SNX30: variants seen among roughly 807,000 people sequenced by gnomAD.
SNX30 encodes the protein sorting nexin family member 30, also known as sorting nexin-30.
In SNX30, 24 loss-of-function variants were observed where a neutral mutation model predicts 46.4. That is an observed-to-expected ratio of 0.52 (90% CI 0.37 to 0.73). The LOEUF (loss-of-function observed/expected upper bound fraction) is 0.73. Among genes scored for constraint, SNX30 ranks in the 30% least tolerant of loss-of-function variants. The pLI, the probability that SNX30 is intolerant of heterozygous loss-of-function variation, is 0.00. For synonymous variants in SNX30, 189 were observed against 211.5 expected (o/e 0.89, Z 0.92); for missense variants, 533 against 555.7 (o/e 0.96, Z 0.41).
rs1400167007 is a variant in SNX30 at position 112,778,776 on chromosome 9, C to T, written c.157-26000C>T. Among the ~76,000 whole-genome samples, 4 of 152,264 alleles carry T rather than the reference C, an allele frequency of 2.6e-5. No individual in the cohort carries two copies. In the East Asian group the frequency reaches 7.7e-4, roughly 29 times the overall value. ...GAGATAGAATAACAGCTACCAGGTC[C>T]ATGCTTTCTCACACCTTATGGTTCA... On this transcript the variant is annotated intron_variant, in intron 1 of 8. Transcript: ENST00000374232.
At chr9:112,794,615 T>C (rs1474751134) in intron 1 of SNX30, among the ~76,000 whole-genome samples, 2 of 152,238 alleles carry the variant, frequency 1.3e-5, no homozygotes, top group Non-Finnish European at 2.9e-5. Context: ...CACTTGCCCA[T>C]ATTCCTCCAA....
chr9:112,795,370 T>G (rs907610934), intron 1 of SNX30, among the ~76,000 whole-genome samples: 3 of 152,218 alleles, frequency 2.0e-5, no homozygotes, highest in African/African-American at 4.8e-5. Context: ...GATTCAGAAC[T>G]GGGCAGTCTG....
At chr9:112,793,247 C>A (rs926740663) in intron 1 of SNX30, among the ~76,000 whole-genome samples, 1 of 152,186 alleles carries the variant, frequency 6.6e-6, no homozygotes. Context: ...AGCTGCTCCC[C>A]CCATCTCAGT....
chr9:112,766,929 A>G (rs1042201642), intron 1 of SNX30, among the ~76,000 whole-genome samples: 1 of 152,184 alleles, frequency 6.6e-6, no homozygotes, highest in African/African-American at 2.4e-5. Flanking sequence ...GGTTATGCAA[A>G]TATCTCTTTG....
rs1841444777 is a variant in SNX30, at chr9:112,871,511, T to G, written c.*2668T>G. 6.6e-6 allele frequency: 1 copy of G among 152,174 alleles called. No individual in the cohort carries two copies. The highest frequency in any genetic ancestry group is 2.1e-4 in the South Asian group (1 of 4,830). The allele number at this position is 152,174 out of a possible 1,614,324, so 9.4% of individuals were successfully genotyped here. ...TAGAGGTCTCATCACCTCACACTTC[T>G]TGACTTCACAAAATTGTGGCCCTGA... On this transcript the variant is annotated 3_prime_UTR_variant, in exon 9 of 9. Transcript: ENST00000374232.
intron 1 of SNX30, among the ~76,000 whole-genome samples, chr9:112,768,951 A>G (rs1839599298): frequency 6.6e-6 from 1 of 152,004 alleles, no homozygotes. Context: ...CACCATGATA[A>G]TTCTAACGGG....
rs1841491790 is a variant in SNX30, at chr9:112,874,440, AAG to A, written c.*5601_*5602del. On this transcript the variant is annotated 3_prime_UTR_variant, in exon 9 of 9. Coordinates refer to ENST00000374232, the MANE Select transcript of SNX30 (RefSeq NM_001012994.2). ...CTAACTTGTATTTTAACTGTTAAAG[AAG>A]AGATTAAAAACTTCGGCTTTGGACA... 1 of 152,230 alleles carries A rather than the reference AAG, an allele frequency of 6.6e-6. No individual in the cohort carries two copies. Among genetic ancestry groups the A allele is most frequent in the Non-Finnish European group, 1.5e-5 (1 of 68,034 alleles). The allele number at this position is 152,230 out of a possible 1,614,324, so 9.4% of individuals were successfully genotyped here.
chr9:112,789,656 TAAG>T (rs1210385666), intron 1 of SNX30, among the ~76,000 whole-genome samples: 3 of 152,210 alleles, frequency 2.0e-5, no homozygotes, highest in Non-Finnish European at 4.4e-5. Flanking sequence ...TCTTGGCTCC[TAAG>T]AATCATAAGA....
Position 112,762,265 on chromosome 9 carries a change from G to A in SNX30, c.156+11108G>A, listed in dbSNP as rs146161997. 2.5e-3 allele frequency among the ~76,000 whole-genome samples: 375 copies of A among 152,154 alleles called. 3 individuals carry two copies. Among genetic ancestry groups the A allele is most frequent in the African/African-American group, 8.7e-3 (363 of 41,512 alleles). ...GGGGGGGAAGTGGGATAGTGGAAAAGGTGTTTGGGGGTTCCTGCTTGAGAA... is the reference window on the plus strand; with the variant it reads ...GGGGGGGAAGTGGGATAGTGGAAAAAGTGTTTGGGGGTTCCTGCTTGAGAA... On this transcript the variant is annotated intron_variant, in intron 1 of 8. Coordinates refer to ENST00000374232, the MANE Select transcript of SNX30 (RefSeq NM_001012994.2).
intron 7 of SNX30, among the ~76,000 whole-genome samples, chr9:112,859,492 CAT>C (rs1841193725): frequency 6.6e-6 from 1 of 152,192 alleles, no homozygotes; most frequent in Admixed American, 6.5e-5. Flanking sequence ...CCAGCAGGAT[CAT>C]ATAGTAGTTC....
At chr9:112,795,864 A>G (rs946040696) in intron 1 of SNX30, among the ~76,000 whole-genome samples, 3 of 152,140 alleles carry the variant, frequency 2.0e-5, no homozygotes, top group Non-Finnish European at 4.4e-5. Context: ...TAAGTTTGAT[A>G]TATAAATAAA....
At chr9:112,822,519 T>C (rs1396980149) in intron 3 of SNX30, among the ~76,000 whole-genome samples, 2 of 146,108 alleles carry the variant, frequency 1.4e-5, no homozygotes, top group African/African-American at 2.5e-5. Context: ...AGTTTTCTTT[T>C]GTCCCTTTGC....
intron 7 of SNX30, 47 bp from the exon 8 acceptor site, chr9:112,864,200 A>T: frequency 6.2e-7 from 1 of 1,605,128 alleles, no homozygotes; most frequent in Middle Eastern, 2.0e-4. Flanking sequence ...AAGGCAAGAG[A>T]TGCCAGTTTT....
At chr9:112,859,944 CTTCT>C (rs1841201586) in intron 7 of SNX30, among the ~76,000 whole-genome samples, 1 of 151,420 alleles carries the variant, frequency 6.6e-6, no homozygotes, top group African/African-American at 2.4e-5. Flanking sequence ...GACTGTTTAT[CTTCT>C]TTATTTTTAT....
intron 1 of SNX30, among the ~76,000 whole-genome samples, chr9:112,803,998 C>A (rs1274446190): frequency 1.5e-5 from 2 of 136,380 alleles, no homozygotes; most frequent in Non-Finnish European, 3.1e-5. Context: ...CTTCGGCTCG[C>A]GCACGGTGCG....
At chr9:112,810,714 T>A (rs545605612) in intron 2 of SNX30, among the ~76,000 whole-genome samples, 3 of 152,160 alleles carry the variant, frequency 2.0e-5, no homozygotes, top group African/African-American at 7.2e-5. Flanking sequence ...TCGAGGGCAC[T>A]TAGGTTGTGG....
intron 1 of SNX30, among the ~76,000 whole-genome samples, chr9:112,803,910 C>T (rs1272957571): frequency 8.6e-6 from 1 of 116,436 alleles, no homozygotes; most frequent in East Asian, 2.5e-4. Context: ...CCAGGTGCAT[C>T]CGTCACCCCT....
At chr9:112,811,136 G>C (rs915533621) in intron 2 of SNX30, among the ~76,000 whole-genome samples, 1 of 152,238 alleles carries the variant, frequency 6.6e-6, no homozygotes, top group Non-Finnish European at 1.5e-5. Context: ...GGAAGTCCAT[G>C]TTGGAAGAAA....
chr9:112,853,931 CT>C (rs1564292466), intron 7 of SNX30, among the ~76,000 whole-genome samples: 2 of 152,214 alleles, frequency 1.3e-5, no homozygotes, highest in Non-Finnish European at 2.9e-5. Context: ...ATAGAAGTCA[CT>C]TTTTCTGGCT....
Sources: gnomAD v4.1 joint callset for allele counts (sites outside exome capture counted in the v4.1 genomes callset) on GRCh38, gnomAD v4.1.1 for gene constraint, MANE v1.5 for transcripts, NCBI Gene and HGNC (gene_info 2026-07-23, HGNC 2026-07-21) for gene names.